Variants in PDZD9 observed in about 807,000 individuals in gnomAD.
The protein encoded by PDZD9 is PDZ domain-containing protein 9.
PDZD9 carries 13 observed loss-of-function variants against 16.3 expected under a neutral mutation model. The observed-to-expected ratio is 0.80, with a 90% CI of 0.52 to 1.27. The LOEUF (loss-of-function observed/expected upper bound fraction) is 1.27, where lower values mean the gene tolerates loss of function less well. Among genes scored for constraint, PDZD9 ranks in the 50% most tolerant of loss-of-function variants. The probability of loss-of-function intolerance (pLI) is 0.00; values close to 1 mark genes in which losing one functional copy is unlikely to be tolerated. For missense variants in PDZD9, 288 were observed against 310.9 expected, an observed-to-expected ratio of 0.93 and a Z score of 0.55; for synonymous variants, 120 against 111.0, an observed-to-expected ratio of 1.08 and a Z score of -0.51.
At chr16:21,978,403 A>G in the PDZD9 span, among the ~76,000 whole-genome samples, 10 of 152,342 alleles carry the variant, frequency 6.6e-5, no homozygotes, top group Admixed American at 4.6e-4. Flanking sequence ...CACCATGTCT[A>G]TAAGTAATAA....
At position 21,984,370 on chromosome 16, in the gene PDZD9, T is replaced by G. The variant is rs1342301262; in HGVS notation, c.692A>C (p.Glu231Ala). Residue 231 changes from glutamate (E) to alanine (A), a missense_variant, in exon 4 of 4, where the codon GAA becomes GCA. Glu to Ala is a moderately radical substitution (Grantham distance 107). Transcript: ENST00000424898. ...PYWIMVKQDN[E>A]SSSSSTSSTS... Reference sequence around the variant, plus strand: ...AGAGGAGGTAGAGGAGGAAGAGCTTTCATTGTCTTGCTTCACCATTATCCA... The same window carrying G: ...AGAGGAGGTAGAGGAGGAAGAGCTTGCATTGTCTTGCTTCACCATTATCCA... 6.2e-7 allele frequency: 1 copy of G among 1,614,110 alleles called. No homozygotes were observed. Among genetic ancestry groups the G allele is most frequent in the Non-Finnish European group, 8.5e-7 (1 of 1,180,000 alleles).
chr16:21,986,732 T>G (rs1597975764), intron 3 of PDZD9, among the ~76,000 whole-genome samples: 1 of 152,204 alleles, frequency 6.6e-6, no homozygotes, highest in Admixed American at 6.5e-5. Context: ...AACAACTGAT[T>G]ACACAGATTA....
At chr16:21,968,614 T>G in the PDZD9 span, 7 of 1,597,368 alleles carry the variant, frequency 4.4e-6, no homozygotes, top group African/African-American at 6.7e-5. Flanking sequence ...AATAAGTGTT[T>G]TTAACTTCCT....
At chr16:21,957,548 G>A in the PDZD9 span, 15 of 1,614,118 alleles carry the variant, frequency 9.3e-6, no homozygotes, top group East Asian at 2.2e-5. Flanking sequence ...CCCATTTGCT[G>A]CGTCTTACAT....
chr16:21,958,352 T>G, the PDZD9 span, among the ~76,000 whole-genome samples: 2 of 152,244 alleles, frequency 1.3e-5, no homozygotes, highest in African/African-American at 2.4e-5. Context: ...ATGAATGTAC[T>G]TAATGTAAAA....
chr16:21,995,313 A>G (rs1295632059), intron 2 of PDZD9: 1 of 450,668 alleles, frequency 2.2e-6, no homozygotes, highest in Non-Finnish European at 4.4e-6. Flanking sequence ...TACAGCCTGC[A>G]GAACCATGAG....
At chr16:21,981,142 A>G (rs538000838), downstream of PDZD9, among the ~76,000 whole-genome samples, 11 of 152,298 alleles carry the variant, frequency 7.2e-5, no homozygotes, top group Admixed American at 6.5e-5. Context: ...AGTCCTAGCA[A>G]TATTTCACCA....
At chr16:21,974,850 TGGAAGATATTG>T in the PDZD9 span, among the ~76,000 whole-genome samples, 1 of 152,250 alleles carries the variant, frequency 6.6e-6, no homozygotes, top group Non-Finnish European at 1.5e-5. Context: ...AGGCTAATAT[TGGAAGATATTG>T]GGAAGATGGG....
chr16:21,985,014 T>A lies in PDZD9; in HGVS notation c.402-354A>T, dbSNP rs192060417. Reference sequence around the variant, plus strand: ...CCATCTCCTGAGAACTCTATTCTTGTGGCTCACGTGGCATTAACACAACAT... The same window carrying A: ...CCATCTCCTGAGAACTCTATTCTTGAGGCTCACGTGGCATTAACACAACAT... On this transcript the variant is annotated intron_variant, in intron 3 of 3. Transcript: ENST00000424898. Among the ~76,000 whole-genome samples the A allele has an allele frequency of 3.5e-4, 54 of 152,328 alleles. No individual in the cohort carries two copies. The East Asian group carries it at 9.3e-3, about 26-fold the overall frequency.
rs541678546 is a variant in PDZD9 at position 21,984,338 on chromosome 16, C to A, written c.724G>T (p.Asp242Tyr). 2 of 1,613,922 alleles carry A rather than the reference C, an allele frequency of 1.2e-6. No homozygotes were observed. The highest frequency in any genetic ancestry group is 2.7e-5 in the African/African-American group (2 of 75,036). Residue 242 changes from aspartate to tyrosine, a missense_variant, in exon 4 of 4, where the codon GAT becomes TAT. By Grantham distance (160) the Asp-to-Tyr change is radical (BLOSUM62 -3). Transcript: ENST00000424898. The part of the protein sequence containing the change: ...SSSSSTSSTS[D>Y]AFWLEDCAQV... ...GCACAATCTTCCAGCCAAAATGCAT[C>A]TGAGGTAGAGGAGGTAGAGGAGGAA...
the PDZD9 span, chr16:21,962,436 A>T: frequency 6.2e-7 from 1 of 1,613,634 alleles, no homozygotes; most frequent in Non-Finnish European, 8.5e-7. Flanking sequence ...CAGATGATTT[A>T]CTCTAGTTTA....
At chr16:21,957,988 C>T in the PDZD9 span, among the ~76,000 whole-genome samples, 2 of 152,146 alleles carry the variant, frequency 1.3e-5, no homozygotes. Context: ...AGATTTAGTG[C>T]CCACTATAAT....
intron 2 of PDZD9, among the ~76,000 whole-genome samples, chr16:21,992,051 T>C (rs181975334): frequency 1.3e-5 from 2 of 152,050 alleles, no homozygotes; most frequent in Non-Finnish European, 2.9e-5. Flanking sequence ...ATTTCAGGAG[T>C]GTTGCAAACT....
chr16:21,990,294 A>C (rs931451821), intron 2 of PDZD9, among the ~76,000 whole-genome samples: 8 of 152,174 alleles, frequency 5.3e-5, no homozygotes, highest in African/African-American at 1.9e-4. Flanking sequence ...AATCAGCCTC[A>C]TTCTAAGACA....
At chr16:21,979,792 CAGTA>C (rs1209689839), downstream of PDZD9, among the ~76,000 whole-genome samples, 1 of 152,092 alleles carries the variant, frequency 6.6e-6, no homozygotes, top group African/African-American at 2.4e-5. Flanking sequence ...ATTATGTTGT[CAGTA>C]AGTAATAGGA....
the PDZD9 span, among the ~76,000 whole-genome samples, chr16:21,963,622 C>T: frequency 1.3e-5 from 2 of 151,980 alleles, no homozygotes; most frequent in African/African-American, 4.8e-5. Context: ...CACCACCGCA[C>T]CCTGCTAATT....
intron 2 of PDZD9, among the ~76,000 whole-genome samples, chr16:21,994,507 A>C (rs1452365596): frequency 6.6e-6 from 1 of 152,238 alleles, no homozygotes; most frequent in African/African-American, 2.4e-5. Flanking sequence ...GGAGCAGGGC[A>C]GTATTGGTAA....
chr16:21,990,271 T>C (rs1351757020), intron 2 of PDZD9, among the ~76,000 whole-genome samples: 1 of 152,200 alleles, frequency 6.6e-6, no homozygotes, highest in African/African-American at 2.4e-5. Context: ...GTACTGACCT[T>C]CTGGAGACCC....
chr16:21,968,083 C>A, the PDZD9 span, among the ~76,000 whole-genome samples: 3 of 150,270 alleles, frequency 2.0e-5, no homozygotes, highest in African/African-American at 7.4e-5. Context: ...CTCACTGCAA[C>A]CTCTGCCTCC....
Sources: gnomAD v4.1 joint callset for allele counts (sites outside exome capture counted in the v4.1 genomes callset) on GRCh38, gnomAD v4.1.1 for gene constraint, MANE v1.5 for transcripts, NCBI Gene and HGNC (gene_info 2026-07-23, HGNC 2026-07-21) for gene names.